The following LRRC4C variants were observed in gnomAD, a reference collection of about 807,000 sequenced individuals.
The protein encoded by LRRC4C is leucine rich repeat containing 4C, also known as leucine-rich repeat-containing protein 4C.
In LRRC4C, 5 loss-of-function variants were observed where a neutral mutation model predicts 33.6. That is an observed-to-expected ratio of 0.15 (90% CI 0.08 to 0.31). The LOEUF (loss-of-function observed/expected upper bound fraction) is 0.31, where lower values mean the gene tolerates loss of function less well. Among genes scored for constraint, LRRC4C ranks in the 10% least tolerant of loss-of-function variants. The probability of loss-of-function intolerance (pLI) is 1.00; values close to 1 mark genes in which losing one functional copy is unlikely to be tolerated. For synonymous variants in LRRC4C, 329 were observed against 302.0 expected (o/e 1.09, Z -0.93); for missense variants, 560 against 796.7 (o/e 0.70, Z 3.58).
chr11:41,316,280 C>CCA (rs1950792393), intron 1 of LRRC4C, among the ~76,000 whole-genome samples: 1 of 90,654 alleles, frequency 1.1e-5, no homozygotes, highest in Non-Finnish European at 2.3e-5. Context: ...AAAAAAAAAA[C>CCA]AAAAAAAAAC....
At chr11:40,395,127 C>T (rs774343145) in intron 3 of LRRC4C, among the ~76,000 whole-genome samples, 6 of 152,098 alleles carry the variant, frequency 3.9e-5, no homozygotes, top group Non-Finnish European at 7.4e-5. Flanking sequence ...CAACCTCATG[C>T]ATGCTCTTTA....
At chr11:40,878,565 C>G (rs1955024523) in intron 2 of LRRC4C, among the ~76,000 whole-genome samples, 1 of 152,096 alleles carries the variant, frequency 6.6e-6, no homozygotes, top group African/African-American at 2.4e-5. Context: ...AGGTGGAGCT[C>G]AGGCAGTAAT....
At chr11:40,730,743 C>T (rs938917512) in intron 2 of LRRC4C, among the ~76,000 whole-genome samples, 2 of 150,194 alleles carry the variant, frequency 1.3e-5, no homozygotes, top group Admixed American at 1.3e-4. Context: ...TAAACATTTG[C>T]ATTGCCTGTG....
intron 5 of LRRC4C, among the ~76,000 whole-genome samples, chr11:40,146,446 G>T (rs1007517504): frequency 2.0e-5 from 3 of 152,080 alleles, no homozygotes; most frequent in Admixed American, 1.3e-4. Context: ...ACCCGCTGAG[G>T]GGATGCCTCA....
intron 2 of LRRC4C, among the ~76,000 whole-genome samples, chr11:40,698,299 C>A (rs1945682775): frequency 6.6e-6 from 1 of 152,046 alleles, no homozygotes; most frequent in Non-Finnish European, 1.5e-5. Context: ...AAAATGTTAT[C>A]TCATTAATAG....
chr11:40,732,713 T>C (rs912532677), intron 2 of LRRC4C, among the ~76,000 whole-genome samples: 2 of 152,172 alleles, frequency 1.3e-5, no homozygotes, highest in Non-Finnish European at 2.9e-5. Context: ...AAAAACTAAC[T>C]AGTTATTTAA....
chr11:40,455,711 T>C lies in LRRC4C; in HGVS notation c.-269-135990A>G, dbSNP rs72897040. Among the ~76,000 whole-genome samples, 1,472 of 152,238 alleles carry C rather than the reference T, an allele frequency of 9.7e-3. 13 individuals carry two copies. The highest frequency in any genetic ancestry group is 0.02 in the African/African-American group (820 of 41,562). ...TTGCCTTCAGAATTCATCAAAACCA[T>C]GTATGTGTCTCTGCTTTAAATGTCC... On this transcript the variant is annotated intron_variant, in intron 3 of 6. Transcript: ENST00000528697.
intron 2 of LRRC4C, among the ~76,000 whole-genome samples, chr11:40,695,551 A>G (rs756841207): frequency 5.9e-5 from 9 of 152,172 alleles, no homozygotes; most frequent in South Asian, 2.1e-4. Flanking sequence ...CAAAGTTATT[A>G]TCTTACAGTT....
intron 2 of LRRC4C, among the ~76,000 whole-genome samples, chr11:40,822,493 A>G (rs1287526299): frequency 6.6e-6 from 1 of 151,702 alleles, no homozygotes; most frequent in Non-Finnish European, 1.5e-5. Context: ...ATACCTCTTC[A>G]ATGTAATGGT....
At chr11:40,848,793 G>A (rs1388890173) in intron 2 of LRRC4C, among the ~76,000 whole-genome samples, 1 of 152,092 alleles carries the variant, frequency 6.6e-6, no homozygotes, top group East Asian at 1.9e-4. Context: ...CTCCTTGTAG[G>A]TCTCTCTGGA....
At chr11:40,810,512 A>T (rs1399138233) in intron 2 of LRRC4C, among the ~76,000 whole-genome samples, 1 of 152,130 alleles carries the variant, frequency 6.6e-6, no homozygotes, top group East Asian at 1.9e-4. Flanking sequence ...CTTTCTCTTG[A>T]GGTTAGACTC....
intron 1 of LRRC4C, among the ~76,000 whole-genome samples, chr11:41,022,579 G>T (rs1446717509): frequency 6.6e-6 from 1 of 150,892 alleles, no homozygotes; most frequent in Non-Finnish European, 1.5e-5. Context: ...GTACCAGGAA[G>T]AAAAAAAAAT....
intron 1 of LRRC4C, among the ~76,000 whole-genome samples, chr11:41,173,499 T>C (rs561808664): frequency 6.6e-6 from 1 of 152,270 alleles, no homozygotes; most frequent in East Asian, 1.9e-4. Flanking sequence ...GGCCTAGCCA[T>C]ATTCTATTTT....
At chr11:41,007,539 G>T (rs930402483) in intron 1 of LRRC4C, among the ~76,000 whole-genome samples, 5 of 151,994 alleles carry the variant, frequency 3.3e-5, no homozygotes, top group Admixed American at 6.6e-5. Flanking sequence ...TTCTCCTATA[G>T]ATGAACACCC....
intron 4 of LRRC4C, among the ~76,000 whole-genome samples, chr11:40,303,195 G>A (rs1481038274): frequency 1.3e-5 from 2 of 152,142 alleles, no homozygotes; most frequent in Non-Finnish European, 2.9e-5. Context: ...TGGAGGTTAC[G>A]AGGATCTAAA....
intron 3 of LRRC4C, among the ~76,000 whole-genome samples, chr11:40,624,186 A>G (rs1304196409): frequency 6.6e-6 from 1 of 152,114 alleles, no homozygotes; most frequent in Non-Finnish European, 1.5e-5. Context: ...ACATTCTATG[A>G]TCATGGACAT....
intron 5 of LRRC4C, among the ~76,000 whole-genome samples, chr11:40,236,518 C>T (rs1385173638): frequency 1.3e-5 from 2 of 152,172 alleles, no homozygotes; most frequent in Admixed American, 6.5e-5. Flanking sequence ...CCAGCACCCT[C>T]CTCACCACCA....
chr11:40,300,326 T>C (rs1297179770), intron 4 of LRRC4C, among the ~76,000 whole-genome samples: 1 of 152,190 alleles, frequency 6.6e-6, no homozygotes, highest in Non-Finnish European at 1.5e-5. Context: ...GAAACGCTAA[T>C]GTGTTCAAGG....
chr11:41,393,784 G>T (rs1953697292), intron 1 of LRRC4C, among the ~76,000 whole-genome samples: 1 of 151,848 alleles, frequency 6.6e-6, no homozygotes, highest in South Asian at 2.1e-4. Flanking sequence ...TTTGTATTCA[G>T]GAAATACTGG....
Sources: gnomAD v4.1 joint callset for allele counts (sites outside exome capture counted in the v4.1 genomes callset) on GRCh38, gnomAD v4.1.1 for gene constraint, MANE v1.5 for transcripts, NCBI Gene and HGNC (gene_info 2026-07-23, HGNC 2026-07-21) for gene names.